OCA2: variants seen among roughly 807,000 people sequenced by gnomAD.
OCA2 encodes the protein P protein.
Under a neutral mutation model 100.2 loss-of-function variants are expected in OCA2, and 77 were observed. That is an observed-to-expected ratio of 0.77 (90% confidence interval 0.64 to 0.93). OCA2 has a LOEUF of 0.93. OCA2 is among the 40% of genes least tolerant of loss of function. The pLI is 0.00. For synonymous variants in OCA2, 432 were observed against 439.2 expected (o/e 0.98, Z 0.21); for missense variants, 1,062 against 1,089.1 (o/e 0.98, Z 0.35).
rs185534241 is a variant in OCA2 at position 27,966,026 on chromosome 15, A to G, written c.1636+664T>C. 7.3e-3 allele frequency among the ~76,000 whole-genome samples: 1,107 copies of G among 152,314 alleles called. 21 individuals are homozygous for G. The highest frequency in any genetic ancestry group is 0.025 in the African/African-American group (1,023 of 41,564). On this transcript the variant is annotated intron_variant, in intron 15 of 23. Transcript: ENST00000354638. ...CACTCTGTCGCCCAGGCTGGAGTGCAGTGGCACGATCTTGGCTCACTGCAA... is the reference window on the plus strand; with the variant it reads ...CACTCTGTCGCCCAGGCTGGAGTGCGGTGGCACGATCTTGGCTCACTGCAA...
chr15:27,955,049 GA>G (rs2040173271), intron 17 of OCA2, 108 bp downstream of exon 17: 1 of 853,924 alleles, frequency 1.2e-6, no homozygotes. Context: ...TATAACCACA[GA>G]AATAAAAAGA....
At chr15:27,970,266 T>C (rs1195001645) in intron 14 of OCA2, among the ~76,000 whole-genome samples, 1 of 149,980 alleles carries the variant, frequency 6.7e-6, no homozygotes, top group Non-Finnish European at 1.5e-5. Context: ...CCCACAGATA[T>C]TAAATAGGTG....
At chr15:27,816,082 C>T (rs953549052) in intron 23 of OCA2, among the ~76,000 whole-genome samples, 5 of 152,096 alleles carry the variant, frequency 3.3e-5, no homozygotes, top group East Asian at 1.9e-4. Flanking sequence ...TGCGGGGAAC[C>T]GAGATTTCAC....
At chr15:28,070,258 C>A (rs1464190878) in intron 2 of OCA2, among the ~76,000 whole-genome samples, 10 of 140,704 alleles carry the variant, frequency 7.1e-5, no homozygotes, top group South Asian at 2.3e-4. Flanking sequence ...GCCACCCCAT[C>A]TGGGAAGTGA....
chr15:28,043,364 C>A lies in OCA2; in HGVS notation c.228-11201G>T, dbSNP rs1245980901. Among the ~76,000 whole-genome samples the A allele has an allele frequency of 6.6e-6, 1 of 152,154 alleles. No homozygotes were observed. The highest frequency in any genetic ancestry group is 2.4e-5 in the African/African-American group (1 of 41,424). On this transcript the variant is annotated intron_variant, in intron 2 of 23. Transcript: ENST00000354638. This position sits in a 1 kb window ranked among gnomAD's most constrained non-coding sequence, Gnocchi z 4.4. ...AGAAGTAGACATACCAGAAATAAAG[C>A]CAAACATGCATGGCTGTTTCTATCC...
chr15:27,801,484 G>A (rs757463385), intron 23 of OCA2, among the ~76,000 whole-genome samples: 11 of 146,760 alleles, frequency 7.5e-5, no homozygotes, highest in African/African-American at 1.3e-4. Context: ...GCCAGGAGGC[G>A]GAGGTTACAG....
At chr15:28,036,835 A>G (rs74007903) in intron 2 of OCA2, among the ~76,000 whole-genome samples, 15,000 of 152,058 alleles carry the variant, frequency 0.099, 2,329 homozygotes, top group African/African-American at 0.33. Flanking sequence ...TGATTGGGGT[A>G]CCAGGCATGG....
chr15:27,951,887 C>A lies in OCA2; in HGVS notation c.1848G>T (p.Arg616Ser), dbSNP rs764077360. The part of the protein sequence containing the change: ...TNIQELQKKH[R>S]ISDGILLAKC... ...TGGCGAGCAGAATCCCGTCAGATAT[C>A]CTATGCTGTAAGAGAGAAACCACAG... The change falls in exon 18 of 24, where the codon AGG becomes AGT. Residue 616 changes from arginine to serine, a missense_variant. By Grantham distance (110) the Arg-to-Ser change is moderately radical. Coordinates refer to ENST00000354638, the MANE Select transcript of OCA2 (RefSeq NM_000275.3). 9 of 1,609,452 alleles carry A rather than the reference C, an allele frequency of 5.6e-6. No homozygotes were observed. In the African/African-American group the frequency reaches 1.1e-4, roughly 19 times the overall value.
At position 28,027,264 on chromosome 15, in the gene OCA2, G is replaced by T. The variant is rs145611749; in HGVS notation, c.515+607C>A. ...ACTCCCACGCCCGCCGTCCCCCTAC[G>T]CATGCGCATCCCCTCCCCACCCATT... On this transcript the variant is annotated intron_variant, in intron 4 of 23. Transcript: ENST00000354638. Among the ~76,000 whole-genome samples, 593 of 151,878 alleles carry T rather than the reference G, an allele frequency of 3.9e-3. 2 individuals are homozygous for T. The highest frequency in any genetic ancestry group is 0.014 in the African/African-American group (559 of 41,390).
At chr15:27,919,252 T>C (rs567345127) in intron 19 of OCA2, among the ~76,000 whole-genome samples, 42 of 152,310 alleles carry the variant, frequency 2.8e-4, no homozygotes, top group Admixed American at 5.2e-4. Context: ...AATTATCCTC[T>C]GGCCATAATC....
intron 21 of OCA2, among the ~76,000 whole-genome samples, chr15:27,852,311 T>C (rs1037542104): frequency 3.3e-5 from 5 of 152,300 alleles, no homozygotes; most frequent in East Asian, 3.9e-4. Context: ...ATTTATTAAA[T>C]AGGGAATCCT....
chr15:27,869,863 C>A (rs1031198173), intron 21 of OCA2, among the ~76,000 whole-genome samples: 1 of 152,114 alleles, frequency 6.6e-6, no homozygotes, highest in African/African-American at 2.4e-5. Context: ...CTGCCTGGGG[C>A]GCAGGGAGAG....
chr15:27,805,857 G>A (rs77863667), intron 23 of OCA2, among the ~76,000 whole-genome samples: 3,325 of 152,214 alleles, frequency 0.022, 108 homozygotes, highest in African/African-American at 0.075. Flanking sequence ...TCACACGCCC[G>A]GGGCGTGGGA....
At chr15:27,730,553 G>C in the OCA2 span, among the ~76,000 whole-genome samples, 8 of 151,314 alleles carry the variant, frequency 5.3e-5, no homozygotes, top group Admixed American at 5.3e-4. Context: ...GTTGGGGGCT[G>C]GACTAAAAGC....
intron 18 of OCA2, among the ~76,000 whole-genome samples, chr15:27,926,624 T>C (rs1829556120): frequency 1.3e-5 from 2 of 152,126 alleles, no homozygotes; most frequent in Non-Finnish European, 2.9e-5. Context: ...TTTGTTGTTG[T>C]TGTTTTGGGG....
At chr15:28,084,758 T>C (rs2044746870) in intron 1 of OCA2, among the ~76,000 whole-genome samples, 2 of 151,942 alleles carry the variant, frequency 1.3e-5, no homozygotes, top group Admixed American at 1.3e-4. Context: ...CAGCAAGAAG[T>C]TTATGGTGTT....
intron 6 of OCA2, among the ~76,000 whole-genome samples, chr15:28,021,735 T>G (rs565051724): frequency 3.9e-5 from 6 of 152,242 alleles, no homozygotes; most frequent in Non-Finnish European, 5.9e-5. Flanking sequence ...AAGGCCTTCA[T>G]TTGCTTGGGA....
intron 19 of OCA2, among the ~76,000 whole-genome samples, chr15:27,900,083 G>A (rs149018481): frequency 6.5e-4 from 99 of 152,272 alleles, no homozygotes; most frequent in African/African-American, 2.3e-3. Context: ...CAACCATGGT[G>A]ACCGTGCAGT....
chr15:28,028,870 G>C (rs1198471014), intron 3 of OCA2, among the ~76,000 whole-genome samples: 4 of 152,104 alleles, frequency 2.6e-5, no homozygotes, highest in African/African-American at 7.2e-5. Context: ...ATTTTTAGTA[G>C]AGATGGGGTT....
Sources: allele counts gnomAD v4.1 joint callset (sites outside exome capture counted in the v4.1 genomes callset), GRCh38; gene constraint gnomAD v4.1.1; non-coding constraint Gnocchi (gnomAD v3.1); transcripts MANE v1.5; gene names NCBI Gene and HGNC (gene_info 2026-07-23, HGNC 2026-07-21).